NRG1: variants seen among roughly 807,000 people sequenced by gnomAD.
NRG1 encodes neuregulin 1.
NRG1 carries 18 observed loss-of-function variants against 63.8 expected under a neutral mutation model. The observed-to-expected ratio is 0.28, with a 90% CI of 0.19 to 0.42. NRG1 has a LOEUF of 0.42. NRG1 is among the 10% of genes least tolerant of loss of function. The pLI, the probability that NRG1 is intolerant of heterozygous loss-of-function variation, is 1.00. For synonymous variants in NRG1, 302 were observed against 301.3 expected (o/e 1.00, Z -0.02); for missense variants, 762 against 814.7 (o/e 0.94, Z 0.79).
chr8:31,822,478 C>T (rs925434001), intron 1 of NRG1, among the ~76,000 whole-genome samples: 7 of 152,174 alleles, frequency 4.6e-5, no homozygotes, highest in South Asian at 2.1e-4. Context: ...ATGAGGCAAA[C>T]GGCCAAACCT....
chr8:31,844,789 AT>A (rs34857073), intron 1 of NRG1, among the ~76,000 whole-genome samples: 22,428 of 149,428 alleles, frequency 0.15, 1,980 homozygotes, highest in Non-Finnish European at 0.19. Flanking sequence ...GGCTTGGTGA[AT>A]TTTTTTTTTT....
chr8:32,087,858 T>C (rs142801548), intron 1 of NRG1, among the ~76,000 whole-genome samples: 203 of 152,334 alleles, frequency 1.3e-3, no homozygotes, highest in Admixed American at 3.7e-3. Context: ...TTATTTCCTT[T>C]AGTGTGATGT....
chr8:32,339,343 CTT>C (rs1036165416), intron 1 of NRG1, among the ~76,000 whole-genome samples: 15 of 152,146 alleles, frequency 9.9e-5, no homozygotes, highest in African/African-American at 3.6e-4. Context: ...CAAATACTCA[CTT>C]TGTCTCTTAG....
chr8:32,731,793 A>G (rs1204027041), intron 6 of NRG1, among the ~76,000 whole-genome samples: 1 of 152,190 alleles, frequency 6.6e-6, no homozygotes, highest in Non-Finnish European at 1.5e-5. Context: ...TTGGCTCATC[A>G]TGGTCCTGTC....
chr8:31,730,013 C>T (rs1191576999), intron 1 of NRG1, among the ~76,000 whole-genome samples: 1 of 152,078 alleles, frequency 6.6e-6, no homozygotes, highest in Admixed American at 6.6e-5. Flanking sequence ...ACTCATGAAG[C>T]TGTGTGTCCT....
intron 1 of NRG1, among the ~76,000 whole-genome samples, chr8:32,327,564 A>T (rs1162546681): frequency 1.3e-5 from 2 of 152,236 alleles, no homozygotes; most frequent in East Asian, 3.9e-4. Flanking sequence ...AGATTGTCCC[A>T]TATAAGTTAT....
intron 1 of NRG1, among the ~76,000 whole-genome samples, chr8:32,506,939 T>C (rs1828607960): frequency 6.6e-6 from 1 of 152,184 alleles, no homozygotes. Context: ...TACAGCATTC[T>C]ATCTATTCTT....
chr8:32,093,716 G>A (rs1033765731), intron 1 of NRG1, among the ~76,000 whole-genome samples: 22 of 152,162 alleles, frequency 1.4e-4, no homozygotes, highest in Admixed American at 1.1e-3. Context: ...AATTCATTTA[G>A]TGGGGCAAAA....
At chr8:32,008,096 T>TA (rs1814082744) in intron 1 of NRG1, among the ~76,000 whole-genome samples, 1 of 152,060 alleles carries the variant, frequency 6.6e-6, no homozygotes, top group African/African-American at 2.4e-5. Flanking sequence ...GCAGTTCTTA[T>TA]AAAAAATGAG....
At chr8:32,727,864 CCTTTTAGGATAATTTAAGATTAAAGG>C in intron 5 of NRG1, 59 bp from the exon 6 acceptor site, 1 of 1,374,044 alleles carries the variant, frequency 7.3e-7, no homozygotes, top group Non-Finnish European at 1.0e-6. Context: ...ATGAACTCTT[CCTTTTAGGATAATTTAAGATTAAAGG>C]CTGCTTAGAA....
intron 1 of NRG1, among the ~76,000 whole-genome samples, chr8:32,426,601 T>A (rs571819845): frequency 1.2e-4 from 18 of 152,116 alleles, no homozygotes; most frequent in Non-Finnish European, 1.3e-4. Flanking sequence ...GAAGAATACA[T>A]CCACAGAAAA....
intron 1 of NRG1, among the ~76,000 whole-genome samples, chr8:32,109,199 A>T (rs1380038047): frequency 6.6e-6 from 1 of 152,186 alleles, no homozygotes; most frequent in East Asian, 1.9e-4. Context: ...TGATATGAGC[A>T]GTGTGGTGGA....
chr8:31,720,805 A>G (rs1169919760), intron 1 of NRG1, among the ~76,000 whole-genome samples: 1 of 152,112 alleles, frequency 6.6e-6, no homozygotes, highest in Non-Finnish European at 1.5e-5. Context: ...TTTTCTCCTC[A>G]CCCTTGTTTA....
At chr8:31,668,264 T>A (rs7812662) in intron 1 of NRG1, among the ~76,000 whole-genome samples, 80,267 of 151,996 alleles carry the variant, frequency 0.53, 22,075 homozygotes, top group Non-Finnish European at 0.61. Context: ...TTGGCAATAA[T>A]GGAAATTTAT....
intron 1 of NRG1, among the ~76,000 whole-genome samples, chr8:31,660,471 AG>A (rs1805876847): frequency 6.6e-6 from 1 of 152,208 alleles, no homozygotes; most frequent in African/African-American, 2.4e-5. Context: ...AACTGTTTGC[AG>A]GGTGTGTTAA....
chr8:32,573,502 A>G (rs1839027894), intron 1 of NRG1, among the ~76,000 whole-genome samples: 2 of 152,232 alleles, frequency 1.3e-5, no homozygotes, highest in South Asian at 4.1e-4. Flanking sequence ...ATATATCCTT[A>G]CCATTTGCTG....
rs201102706 is a variant in NRG1, at chr8:32,614,584, C to A, written c.451+20C>A. 2 of 1,608,892 alleles carry A rather than the reference C, an allele frequency of 1.2e-6. No homozygotes were observed. Among genetic ancestry groups the A allele is most frequent in the Non-Finnish European group, 1.7e-6 (2 of 1,176,144 alleles). On this transcript the variant is annotated intron_variant, in intron 4 of 11. Transcript: ENST00000356819. Reference sequence around the variant, plus strand: ...CTTCAGGTAAGGAAAATAAGCCTGGCAAATTTTACTAACCAGAATGACAAC... The same window carrying A: ...CTTCAGGTAAGGAAAATAAGCCTGGAAAATTTTACTAACCAGAATGACAAC...
intron 1 of NRG1, among the ~76,000 whole-genome samples, chr8:32,371,385 C>A (rs1357500436): frequency 2.0e-5 from 3 of 152,192 alleles, no homozygotes; most frequent in African/African-American, 7.2e-5. Context: ...CTGAGTTTTA[C>A]ATGATATGGA....
At chr8:31,741,641 A>G (rs1200926459) in intron 1 of NRG1, among the ~76,000 whole-genome samples, 1 of 152,044 alleles carries the variant, frequency 6.6e-6, no homozygotes, top group Non-Finnish European at 1.5e-5. Context: ...CTTAATCATG[A>G]AAATGAAAAA....
Sources: gnomAD v4.1 joint callset for allele counts (sites outside exome capture counted in the v4.1 genomes callset) on GRCh38, gnomAD v4.1.1 for gene constraint, MANE v1.5 for transcripts, NCBI Gene and HGNC (gene_info 2026-07-23, HGNC 2026-07-21) for gene names.